Variants in CNTNAP2 observed in about 807,000 individuals in gnomAD.
The protein encoded by CNTNAP2 is contactin associated protein 2.
CNTNAP2 carries 98 observed loss-of-function variants against 155.2 expected under a neutral mutation model. That is an observed-to-expected ratio of 0.63 (90% CI 0.54 to 0.75). The LOEUF (loss-of-function observed/expected upper bound fraction) is 0.75. Ranked by LOEUF, CNTNAP2 falls within the 30% of genes least tolerant of loss-of-function variation. CNTNAP2 has a pLI of 0.00. For synonymous variants in CNTNAP2, 651 were observed against 631.2 expected, an observed-to-expected ratio of 1.03 and a Z score of -0.47; for missense variants, 1,727 against 1,688.1, an observed-to-expected ratio of 1.02 and a Z score of -0.40.
chr7:147,348,376 AAAAAAAAAAAT>A (rs1353058343), intron 9 of CNTNAP2, among the ~76,000 whole-genome samples: 1 of 8,264 alleles, frequency 1.2e-4, no homozygotes, highest in Non-Finnish European at 1.9e-4. Flanking sequence ...TACAAATAGC[AAAAAAAAAAAT>A]GAAAAAAAAT....
chr7:147,933,023 C>T (rs1490902302), intron 14 of CNTNAP2, among the ~76,000 whole-genome samples: 1 of 151,678 alleles, frequency 6.6e-6, no homozygotes, highest in Non-Finnish European at 1.5e-5. Context: ...TATCTCACAC[C>T]TCTTAGGGTG....
intron 1 of CNTNAP2, among the ~76,000 whole-genome samples, chr7:146,218,463 C>G (rs6960657): frequency 6.6e-6 from 1 of 151,822 alleles, no homozygotes; most frequent in Non-Finnish European, 1.5e-5. Context: ...GAGCTGAGAT[C>G]GCGCCACTGC....
chr7:147,013,635 C>T (rs1798666458), intron 3 of CNTNAP2, among the ~76,000 whole-genome samples: 1 of 152,080 alleles, frequency 6.6e-6, no homozygotes, highest in Non-Finnish European at 1.5e-5. Context: ...AATACTTCAT[C>T]CGTGTCCGTC....
intron 2 of CNTNAP2, 78 bp from the exon 3 acceptor site, chr7:146,839,633 T>C (rs1442375737): frequency 2.7e-6 from 4 of 1,468,708 alleles, no homozygotes; most frequent in Non-Finnish European, 2.8e-6. Flanking sequence ...AATTAAGATA[T>C]GTAGAATATT....
At chr7:146,430,201 T>A (rs939780378) in intron 1 of CNTNAP2, among the ~76,000 whole-genome samples, 5 of 151,794 alleles carry the variant, frequency 3.3e-5, no homozygotes, top group Admixed American at 6.6e-5. Context: ...TTTATTTTTT[T>A]AATCTCTGCC....
chr7:148,118,732 C>T (rs146856339), intron 16 of CNTNAP2, among the ~76,000 whole-genome samples: 319 of 152,222 alleles, frequency 2.1e-3, no homozygotes, highest in South Asian at 3.7e-3. Flanking sequence ...CAGGAGGCCA[C>T]GGAGACCACA....
intron 3 of CNTNAP2, among the ~76,000 whole-genome samples, chr7:146,962,263 G>A (rs1797570708): frequency 6.6e-6 from 1 of 152,150 alleles, no homozygotes; most frequent in African/African-American, 2.4e-5. Context: ...ATGAAAGAAT[G>A]AGCAACTGTA....
At position 148,097,115 on chromosome 7, in the gene CNTNAP2, A is replaced by G. The variant is rs116691445; in HGVS notation, c.2384-21003A>G. On this transcript the variant is annotated intron_variant, in intron 15 of 23. Transcript: ENST00000361727. ...GGTATTATGGGACAAACTTCAGTTC[A>G]TATGGGAAAACCGAACCCTTCCCAC... 4.1e-3 allele frequency among the ~76,000 whole-genome samples: 619 copies of G among 152,268 alleles called. 5 individuals are homozygous for G. Among genetic ancestry groups the G allele is most frequent in the African/African-American group, 0.014 (599 of 41,560 alleles).
intron 14 of CNTNAP2, among the ~76,000 whole-genome samples, chr7:147,973,160 T>TAAAAAA (rs35756000): frequency 4.1e-5 from 5 of 120,854 alleles, no homozygotes; most frequent in Non-Finnish European, 6.5e-5. Flanking sequence ...TCTCTAAAAT[T>TAAAAAA]AAAAAAAAAA....
In CNTNAP2 at chr7:148,202,596, A is replaced by G. The variant is rs186057294; in HGVS notation, c.3011-14692A>G. On this transcript the variant is annotated intron_variant, in intron 18 of 23. Transcript: ENST00000361727. ...GCAAAAAGAGGGGTGTGCTTGAAGCATCTACAAAGGGGAAAAAGCTGCTGA... is the reference window on the plus strand; with the variant it reads ...GCAAAAAGAGGGGTGTGCTTGAAGCGTCTACAAAGGGGAAAAAGCTGCTGA... Among the ~76,000 whole-genome samples, 4 of 152,332 alleles carry G rather than the reference A, an allele frequency of 2.6e-5. No individual in the cohort carries two copies. The East Asian group carries it at 7.7e-4, about 29-fold the overall frequency.
At chr7:147,790,547 A>G (rs1797803995) in intron 13 of CNTNAP2, among the ~76,000 whole-genome samples, 3 of 152,148 alleles carry the variant, frequency 2.0e-5, no homozygotes, top group Admixed American at 2.0e-4. Flanking sequence ...TCTATCCCCA[A>G]AACTCTGCTA....
chr7:147,518,031 G>A (rs866372932), intron 11 of CNTNAP2, among the ~76,000 whole-genome samples: 2 of 152,056 alleles, frequency 1.3e-5, no homozygotes, highest in Non-Finnish European at 2.9e-5. Context: ...TCCTGGGCTC[G>A]AGTGATCCTC....
chr7:148,069,794 G>C (rs1387433220), intron 15 of CNTNAP2, among the ~76,000 whole-genome samples: 3 of 151,614 alleles, frequency 2.0e-5, no homozygotes, highest in Non-Finnish European at 4.4e-5. Context: ...AGAAAGAATG[G>C]GGAGGGGACA....
chr7:147,975,232 A>C (rs1275727620), intron 14 of CNTNAP2, among the ~76,000 whole-genome samples: 1 of 152,152 alleles, frequency 6.6e-6, no homozygotes, highest in Non-Finnish European at 1.5e-5. Context: ...TTCCATGCAC[A>C]TAAAGGTCAA....
At chr7:147,091,303 C>T (rs972048295) in intron 4 of CNTNAP2, among the ~76,000 whole-genome samples, 11 of 152,022 alleles carry the variant, frequency 7.2e-5, no homozygotes, top group Middle Eastern at 6.8e-3. Flanking sequence ...GACTCAACTA[C>T]GTATTTCTTC....
chr7:147,511,249 G>A (rs1799015307), intron 11 of CNTNAP2, among the ~76,000 whole-genome samples: 1 of 151,858 alleles, frequency 6.6e-6, no homozygotes, highest in Admixed American at 6.6e-5. Flanking sequence ...TTAGTACATC[G>A]TGAATACCGA....
At chr7:148,369,392 G>C (rs1798847473) in intron 21 of CNTNAP2, among the ~76,000 whole-genome samples, 1 of 151,132 alleles carries the variant, frequency 6.6e-6, no homozygotes, top group African/African-American at 2.4e-5. Context: ...CGGCTAATTT[G>C]TGCCACTACA....
At chr7:148,374,056 A>T (rs1798937900) in intron 21 of CNTNAP2, among the ~76,000 whole-genome samples, 1 of 152,184 alleles carries the variant, frequency 6.6e-6, no homozygotes, top group South Asian at 2.1e-4. Context: ...CATCCAATAC[A>T]CTTTCCAGAA....
At chr7:148,240,196 A>G (rs1223333096) in intron 20 of CNTNAP2, among the ~76,000 whole-genome samples, 1 of 152,224 alleles carries the variant, frequency 6.6e-6, no homozygotes, top group Non-Finnish European at 1.5e-5. Context: ...AAATTTGGAT[A>G]GATAATGATG....
Sources: gnomAD v4.1 joint callset for allele counts (sites outside exome capture counted in the v4.1 genomes callset) on GRCh38, gnomAD v4.1.1 for gene constraint, MANE v1.5 for transcripts, NCBI Gene and HGNC (gene_info 2026-07-23, HGNC 2026-07-21) for gene names.